Variants in UNC5C observed in about 807,000 individuals in gnomAD.
UNC5C encodes the protein netrin receptor UNC5C.
A neutral mutation model predicts 99.8 loss-of-function variants in UNC5C; 47 were observed. The observed-to-expected ratio is 0.47, with a 90% CI of 0.37 to 0.60. UNC5C has a LOEUF of 0.60. UNC5C is among the 20% of genes least tolerant of loss of function. The probability of loss-of-function intolerance (pLI) is 0.00; values close to 1 mark genes in which losing one functional copy is unlikely to be tolerated. For synonymous variants in UNC5C, 487 were observed against 452.2 expected, an observed-to-expected ratio of 1.08 and a Z score of -0.98; for missense variants, 1,062 against 1,165.9, an observed-to-expected ratio of 0.91 and a Z score of 1.30.
intron 7 of UNC5C, among the ~76,000 whole-genome samples, chr4:95,222,882 G>T (rs997476291): frequency 2.0e-5 from 3 of 152,064 alleles, no homozygotes; most frequent in Non-Finnish European, 4.4e-5. Flanking sequence ...TGAACAGTTT[G>T]TCAATGCAAT....
intron 3 of UNC5C, among the ~76,000 whole-genome samples, chr4:95,299,120 A>G (rs773671911): frequency 2.0e-5 from 3 of 152,170 alleles, no homozygotes; most frequent in African/African-American, 4.8e-5. Flanking sequence ...ATATTGGGAT[A>G]TAAGACTTTT....
chr4:95,530,273 A>G (rs1219563607), intron 1 of UNC5C, among the ~76,000 whole-genome samples: 2 of 152,194 alleles, frequency 1.3e-5, no homozygotes, highest in African/African-American at 2.4e-5. Context: ...TGATAAATAT[A>G]TAGTTAGCAT....
At chr4:95,299,076 G>A (rs1741776308) in intron 3 of UNC5C, among the ~76,000 whole-genome samples, 1 of 152,168 alleles carries the variant, frequency 6.6e-6, no homozygotes, top group African/African-American at 2.4e-5. Context: ...TTCTGATGGG[G>A]AAGCCCTAAC....
chr4:95,445,449 A>C (rs79376487), intron 1 of UNC5C, among the ~76,000 whole-genome samples: 1 of 152,080 alleles, frequency 6.6e-6, no homozygotes, highest in African/African-American at 2.4e-5. Flanking sequence ...TCCGCTCTTG[A>C]TAACAACAGT....
Position 95,370,538 on chromosome 4 carries a change from A to G in UNC5C, c.125-34907T>C, listed in dbSNP as rs377362950. Reference sequence around the variant, plus strand: ...TGGTTTCCTGTCACTGGCTTTTGCAAGCAAAATTGGGTACACTCATGAAAA... The same window carrying G: ...TGGTTTCCTGTCACTGGCTTTTGCAGGCAAAATTGGGTACACTCATGAAAA... On this transcript the variant is annotated intron_variant, in intron 1 of 15. Transcript: ENST00000453304. Among the ~76,000 whole-genome samples the G allele has an allele frequency of 1.6e-4, 25 of 152,324 alleles. No individual in the cohort carries two copies. The South Asian group carries it at 4.6e-3, about 28-fold the overall frequency.
intron 3 of UNC5C, among the ~76,000 whole-genome samples, chr4:95,294,675 C>T (rs1741609647): frequency 6.6e-6 from 1 of 152,152 alleles, no homozygotes; most frequent in Admixed American, 6.5e-5. Context: ...CTAGGATTGA[C>T]AGTCTAGCCC....
intron 1 of UNC5C, among the ~76,000 whole-genome samples, chr4:95,424,647 G>A (rs1284754462): frequency 1.3e-5 from 2 of 149,200 alleles, no homozygotes; most frequent in Non-Finnish European, 3.0e-5. Context: ...TCAGCCTCCC[G>A]AGTAGCTGGG....
chr4:95,289,222 G>A (rs1579298699), intron 3 of UNC5C, among the ~76,000 whole-genome samples: 1 of 152,162 alleles, frequency 6.6e-6, no homozygotes, highest in African/African-American at 2.4e-5. Flanking sequence ...CCCTAAATCA[G>A]CATTGCTGTC....
chr4:95,379,130 G>T (rs1294890033), intron 1 of UNC5C, among the ~76,000 whole-genome samples: 1 of 152,138 alleles, frequency 6.6e-6, no homozygotes, highest in African/African-American at 2.4e-5. Context: ...AGACAATAAA[G>T]AAATAGTCTG....
intron 14 of UNC5C, among the ~76,000 whole-genome samples, chr4:95,181,618 C>T (rs528722409): frequency 1.3e-5 from 2 of 152,026 alleles, no homozygotes; most frequent in African/African-American, 2.4e-5. Flanking sequence ...GATAGGGCTG[C>T]GCATCCGAAG....
chr4:95,538,444 T>C (rs929626481), intron 1 of UNC5C, among the ~76,000 whole-genome samples: 3 of 152,342 alleles, frequency 2.0e-5, no homozygotes, highest in Admixed American at 1.3e-4. Context: ...TGGAGTCCGC[T>C]GTTATCTTTA....
chr4:95,335,432 A>G lies in UNC5C; in HGVS notation c.324T>C (p.Asp108=). 6.2e-7 allele frequency: 1 copy of G among 1,611,484 alleles called. No individual in the cohort carries two copies. The highest frequency in any genetic ancestry group is 1.3e-5 in the African/African-American group (1 of 74,956). Residue 108 remains aspartate, a synonymous_variant, in exon 2 of 16, where the codon GAT becomes GAC. Coordinates refer to ENST00000453304, the MANE Select transcript of UNC5C (RefSeq NM_003728.4). ...EWVHQKDHIV[D]ERVDETSGLI... ...CACCGGAAGTTTCATCTACTCTTTC[A>G]TCTACTATGTGGTCCTTCTGATGAA...
chr4:95,388,783 T>C, intron 1 of UNC5C, among the ~76,000 whole-genome samples: 1 of 152,292 alleles, frequency 6.6e-6, no homozygotes, highest in Middle Eastern at 3.4e-3. Flanking sequence ...CTTGGAATGG[T>C]AAAGTAACTT....
chr4:95,243,897 G>C (rs1410594493), intron 6 of UNC5C, among the ~76,000 whole-genome samples: 1 of 152,138 alleles, frequency 6.6e-6, no homozygotes, highest in Non-Finnish European at 1.5e-5. Flanking sequence ...AATTGTGGGA[G>C]TCAGCTCCTA....
intron 2 of UNC5C, among the ~76,000 whole-genome samples, chr4:95,308,701 G>T (rs1475216038): frequency 1.7e-5 from 2 of 114,420 alleles, no homozygotes; most frequent in Admixed American, 1.3e-4. Flanking sequence ...TCAGTGATTC[G>T]AGATTGTGCC....
At chr4:95,515,661 A>G (rs1026367318) in intron 1 of UNC5C, among the ~76,000 whole-genome samples, 2 of 152,212 alleles carry the variant, frequency 1.3e-5, no homozygotes, top group East Asian at 3.8e-4. Context: ...TAGTCAACAG[A>G]TGTTCAACAT....
intron 7 of UNC5C, chr4:95,222,192 T>C: frequency 6.7e-7 from 1 of 1,484,952 alleles, no homozygotes; most frequent in Non-Finnish European, 8.9e-7. Context: ...CAACATAAAA[T>C]CCAAACATCA....
intron 1 of UNC5C, among the ~76,000 whole-genome samples, chr4:95,464,619 A>G (rs1417652183): frequency 6.6e-6 from 1 of 152,228 alleles, no homozygotes; most frequent in African/African-American, 2.4e-5. Flanking sequence ...ACCGATGATA[A>G]TTTCCGAACA....
intron 1 of UNC5C, among the ~76,000 whole-genome samples, chr4:95,478,905 T>A (rs1298349882): frequency 1.3e-5 from 2 of 151,846 alleles, no homozygotes; most frequent in Non-Finnish European, 2.9e-5. Flanking sequence ...TTAGTTCGTG[T>A]GAGAACTGAT....
Sources: allele counts gnomAD v4.1 joint callset (sites outside exome capture counted in the v4.1 genomes callset), GRCh38; gene constraint gnomAD v4.1.1; transcripts MANE v1.5; gene names NCBI Gene and HGNC (gene_info 2026-07-23, HGNC 2026-07-21).